Variants in LYPD6B observed in about 807,000 individuals in gnomAD.
LYPD6B encodes LY6/PLAUR domain containing 6B.
Under a neutral mutation model 22.8 loss-of-function variants are expected in LYPD6B, and 17 were observed. The observed-to-expected ratio is 0.75, with a 90% CI of 0.51 to 1.12. The LOEUF (loss-of-function observed/expected upper bound fraction) is 1.12. Among genes scored for constraint, LYPD6B ranks in the 50% most tolerant of loss-of-function variants. The probability of loss-of-function intolerance (pLI) is 0.00; values close to 1 mark genes in which losing one functional copy is unlikely to be tolerated. For synonymous variants in LYPD6B, 106 were observed against 91.6 expected (o/e 1.16, Z -0.90); for missense variants, 221 against 258.3 (o/e 0.86, Z 0.99).
intron 1 of LYPD6B, among the ~76,000 whole-genome samples, chr2:149,107,567 G>A (rs990978513): frequency 2.0e-5 from 3 of 152,118 alleles, no homozygotes; most frequent in African/African-American, 7.2e-5. Flanking sequence ...GATATGACAT[G>A]TTTTGATTTC....
intron 1 of LYPD6B, among the ~76,000 whole-genome samples, chr2:149,129,636 G>T (rs1334329866): frequency 6.6e-6 from 1 of 152,226 alleles, no homozygotes; most frequent in Non-Finnish European, 1.5e-5. Context: ...GGAGGAAGTG[G>T]TGAGGAGTTC....
intron 6 of LYPD6B, 132 bp from the exon 7 acceptor site, chr2:149,214,414 C>T: frequency 1.1e-6 from 1 of 894,100 alleles, no homozygotes; most frequent in Non-Finnish European, 1.7e-6. Context: ...CTAGATGATG[C>T]AAAATTGGAT....
chr2:149,084,428 C>T lies in LYPD6B; in HGVS notation c.-67+45627C>T, dbSNP rs775411605. On this transcript the variant is annotated intron_variant, in intron 1 of 6. Transcript: ENST00000409642. ...CAGTTACAGGCATTATTATTTTTGA[C>T]ACTCTACTTGTCCTTCAAATTGAGC... Among the ~76,000 whole-genome samples the T allele has an allele frequency of 1.1e-4, 16 of 151,982 alleles. 1 individual carries two copies. The highest frequency in any genetic ancestry group is 7.4e-5 in the Non-Finnish European group (5 of 68,000).
chr2:149,066,404 C>T (rs1002365751), intron 1 of LYPD6B, among the ~76,000 whole-genome samples: 26 of 148,632 alleles, frequency 1.7e-4, no homozygotes, highest in Non-Finnish European at 3.4e-4. Context: ...TCAATTCCAA[C>T]CTATGAGTGA....
At chr2:149,133,527 G>C (rs1317315359) in intron 2 of LYPD6B, among the ~76,000 whole-genome samples, 1 of 152,196 alleles carries the variant, frequency 6.6e-6, no homozygotes, top group Non-Finnish European at 1.5e-5. Context: ...ATATCTTAGA[G>C]AACAGTCTTG....
chr2:149,076,420 G>A (rs1684880408), intron 1 of LYPD6B, among the ~76,000 whole-genome samples: 1 of 152,194 alleles, frequency 6.6e-6, no homozygotes. Context: ...TCTTGGAAGT[G>A]TTAGTTTTCA....
At chr2:149,078,638 T>A (rs1321788801) in intron 1 of LYPD6B, among the ~76,000 whole-genome samples, 2 of 152,194 alleles carry the variant, frequency 1.3e-5, no homozygotes, top group Admixed American at 6.5e-5. Flanking sequence ...AAGATTATTG[T>A]CACTGAATTT....
intron 3 of LYPD6B, among the ~76,000 whole-genome samples, chr2:149,177,512 A>G (rs1273618828): frequency 1.3e-5 from 2 of 152,180 alleles, no homozygotes; most frequent in Non-Finnish European, 2.9e-5. Flanking sequence ...TGTAAAGAAA[A>G]TGGATGTAAA....
chr2:149,214,696 C>T lies in LYPD6B; in HGVS notation c.610C>T (p.Leu204Phe). Residue 204 changes from leucine to phenylalanine, a missense_variant, in exon 7 of 7, where the codon CTT becomes TTT. Coordinates refer to ENST00000409642, the MANE Select transcript of LYPD6B (RefSeq NM_177964.5). Reference protein sequence around the residue: ...YLPVLAWVFVLPLL With the variant: ...YLPVLAWVFVFPLL Reference sequence around the variant, plus strand: ...ACCAGTGCTTGCCTGGGTCTTTGTGCTTCCATTGCTGTGATGCCACCATTC... The same window carrying T: ...ACCAGTGCTTGCCTGGGTCTTTGTGTTTCCATTGCTGTGATGCCACCATTC... The T allele has an allele frequency of 6.2e-7, 1 of 1,614,012 alleles. No homozygotes were observed. Among genetic ancestry groups the T allele is most frequent in the Non-Finnish European group, 8.5e-7 (1 of 1,179,880 alleles).
chr2:149,179,603 A>T lies in LYPD6B; in HGVS notation c.77+18768A>T, dbSNP rs1215211685. 2.6e-5 allele frequency among the ~76,000 whole-genome samples: 4 copies of T among 152,208 alleles called. 1 individual carries two copies. The highest frequency in any genetic ancestry group is 4.4e-5 in the Non-Finnish European group (3 of 68,038). On this transcript the variant is annotated intron_variant, in intron 3 of 6. Coordinates refer to ENST00000409642, the MANE Select transcript of LYPD6B (RefSeq NM_177964.5). Reference sequence around the variant, plus strand: ...AGGTCATTTTGATTTATTATTTTTTAAACCAGGCATTCAGAATATCCAGGA... The same window carrying T: ...AGGTCATTTTGATTTATTATTTTTTTAACCAGGCATTCAGAATATCCAGGA...
intron 1 of LYPD6B, among the ~76,000 whole-genome samples, chr2:149,102,669 AC>A (rs1345395778): frequency 6.6e-6 from 1 of 152,058 alleles, no homozygotes; most frequent in Non-Finnish European, 1.5e-5. Flanking sequence ...TCTTTCTGTC[AC>A]CCAGGCTGGA....
intron 1 of LYPD6B, among the ~76,000 whole-genome samples, chr2:149,079,126 G>A (rs2105386453): frequency 6.7e-6 from 1 of 150,142 alleles, no homozygotes; most frequent in East Asian, 2.0e-4. Context: ...AATTACCTCT[G>A]AAGTCTAGTT....
At chr2:149,201,730 G>T (rs985400959) in intron 3 of LYPD6B, among the ~76,000 whole-genome samples, 2 of 152,174 alleles carry the variant, frequency 1.3e-5, no homozygotes, top group East Asian at 3.8e-4. Context: ...CAAAACTTTG[G>T]CAGTTTTGCA....
chr2:149,188,664 A>AG (rs1445314561), intron 3 of LYPD6B: 1 of 968,704 alleles, frequency 1.0e-6, no homozygotes, highest in Non-Finnish European at 1.2e-6. Flanking sequence ...ACAGCTAATT[A>AG]GTCTAAGGAA....
intron 3 of LYPD6B, among the ~76,000 whole-genome samples, chr2:149,163,518 C>T (rs1015135369): frequency 6.6e-6 from 1 of 152,160 alleles, no homozygotes; most frequent in African/African-American, 2.4e-5. Context: ...GGCTGTCCAG[C>T]TTATCAAATA....
At chr2:149,066,505 C>T (rs1397809870) in intron 1 of LYPD6B, among the ~76,000 whole-genome samples, 3 of 152,000 alleles carry the variant, frequency 2.0e-5, no homozygotes, top group Admixed American at 6.6e-5. Context: ...AGGACATGAA[C>T]TCATCATTTT....
intron 4 of LYPD6B, 97 bp from the exon 5 acceptor site, chr2:149,208,216 TG>T: frequency 1.3e-6 from 1 of 756,952 alleles, no homozygotes; most frequent in South Asian, 1.6e-5. Flanking sequence ...TTATAAGTTT[TG>T]TTTCATCTGT....
intron 1 of LYPD6B, among the ~76,000 whole-genome samples, chr2:149,088,454 A>G (rs1685501782): frequency 6.6e-6 from 1 of 152,152 alleles, no homozygotes; most frequent in African/African-American, 2.4e-5. Context: ...AGTTATGGGA[A>G]CGTGTGGCTG....
chr2:149,050,033 G>C (rs1438772330), intron 1 of LYPD6B, among the ~76,000 whole-genome samples: 1 of 152,200 alleles, frequency 6.6e-6, no homozygotes, highest in Admixed American at 6.5e-5. Flanking sequence ...GAAGGTACTA[G>C]ACTCAACTCC....
Sources: gnomAD v4.1 joint callset for allele counts (sites outside exome capture counted in the v4.1 genomes callset) on GRCh38, gnomAD v4.1.1 for gene constraint, MANE v1.5 for transcripts, NCBI Gene and HGNC (gene_info 2026-07-23, HGNC 2026-07-21) for gene names.